Variants in ADAMTS15 observed in about 807,000 individuals in gnomAD.
ADAMTS15 encodes ADAM metallopeptidase with thrombospondin type 1 motif 15, also known as A disintegrin and metalloproteinase with thrombospondin motifs 15.
A neutral mutation model predicts 79.1 loss-of-function variants in ADAMTS15; 35 were observed. The observed-to-expected ratio is 0.44, with a 90% CI of 0.34 to 0.59. The LOEUF (loss-of-function observed/expected upper bound fraction) is 0.59, where lower values mean the gene tolerates loss of function less well. Ranked by LOEUF, ADAMTS15 falls within the 20% of genes least tolerant of loss-of-function variation. The pLI, the probability that ADAMTS15 is intolerant of heterozygous loss-of-function variation, is 0.02. For missense variants in ADAMTS15, 1,324 were observed against 1,318.7 expected (o/e 1.00, Z -0.06); for synonymous variants, 616 against 567.3 (o/e 1.09, Z -1.22).
chr11:130,470,186 GTA>G (rs1421284406), intron 5 of ADAMTS15, among the ~76,000 whole-genome samples: 8 of 67,146 alleles, frequency 1.2e-4, no homozygotes, highest in East Asian at 3.3e-4. Context: ...ATATATGTGT[GTA>G]TATATATATA....
chr11:130,475,966 A>G lies in ADAMTS15; in HGVS notation c.*2145A>G, dbSNP rs1165736026. 6.6e-6 allele frequency: 1 copy of G among 152,210 alleles called. No individual in the cohort carries two copies. The highest frequency in any genetic ancestry group is 1.5e-5 in the Non-Finnish European group (1 of 68,066). The allele number at this position is 152,210 out of a possible 1,614,324, so 9.4% of individuals were successfully genotyped here. A position where few individuals can be genotyped will look rare whatever the true frequency, so the allele number is the denominator to read the frequency against. On this transcript the variant is annotated 3_prime_UTR_variant, in exon 8 of 8. Coordinates refer to ENST00000299164, the MANE Select transcript of ADAMTS15 (RefSeq NM_139055.4). ...AGGAGAGCAGCTTTTGCCATCAGTC[A>G]CTTTACAAACCATTTCAAGGAAGGA...
rs773348657 is a variant in ADAMTS15 at position 130,449,047 on chromosome 11, T to G, written c.74T>G (p.Val25Gly). The G allele has an allele frequency of 6.5e-7, 1 of 1,542,466 alleles. No individual in the cohort carries two copies. Among genetic ancestry groups the G allele is most frequent in the Admixed American group, 2.0e-5 (1 of 51,166 alleles). The change falls in exon 1 of 8, where the codon GTA (valine) becomes GGA (glycine). Residue 25 changes from valine (V) to glycine (G), a missense_variant. Val to Gly is a moderately radical substitution (Grantham distance 109). Transcript: ENST00000299164. This position sits in a 1 kb window ranked among gnomAD's most constrained non-coding sequence, Gnocchi z 7.8. Reference protein sequence around the residue: ...TAGGSEPEREVVVPIRLDPDI... With the variant: ...TAGGSEPEREGVVPIRLDPDI... ...GGAGGCTCTGAGCCAGAGCGGGAGGTAGTCGTTCCCATCCGACTGGACCCG... is the reference window on the plus strand; with the variant it reads ...GGAGGCTCTGAGCCAGAGCGGGAGGGAGTCGTTCCCATCCGACTGGACCCG...
chr11:130,463,517 G>A (rs139259942), intron 4 of ADAMTS15, among the ~76,000 whole-genome samples: 8 of 152,216 alleles, frequency 5.3e-5, no homozygotes, highest in Non-Finnish European at 8.8e-5. Context: ...TTCTCCTCCC[G>A]GATCCTGGAG....
intron 5 of ADAMTS15, among the ~76,000 whole-genome samples, chr11:130,469,881 T>G (rs958694472): frequency 2.6e-5 from 4 of 151,912 alleles, no homozygotes; most frequent in Non-Finnish European, 5.9e-5. Flanking sequence ...TATCTAACAT[T>G]TAGTATTTCT....
chr11:130,463,527 G>T (rs141722548), intron 4 of ADAMTS15, among the ~76,000 whole-genome samples: 1 of 152,156 alleles, frequency 6.6e-6, no homozygotes, highest in Non-Finnish European at 1.5e-5. Flanking sequence ...GGATCCTGGA[G>T]CTGACTGTCC....
At chr11:130,459,698 G>T (rs545896755) in intron 1 of ADAMTS15, among the ~76,000 whole-genome samples, 6 of 152,332 alleles carry the variant, frequency 3.9e-5, no homozygotes, top group Non-Finnish European at 5.9e-5. Context: ...GTTCAGGCTG[G>T]TCACCCTCGG....
At chr11:130,465,262 G>A (rs1938278146) in intron 4 of ADAMTS15, among the ~76,000 whole-genome samples, 1 of 152,150 alleles carries the variant, frequency 6.6e-6, no homozygotes, top group Non-Finnish European at 1.5e-5. Context: ...TTCCGCACCT[G>A]TTCTCCACTG....
intron 1 of ADAMTS15, 100 bp from the exon 2 acceptor site, chr11:130,461,389 T>C: frequency 6.5e-7 from 1 of 1,528,848 alleles, no homozygotes. Context: ...TGGAATGAGA[T>C]GAGCTGGAAT....
At position 130,473,375 on chromosome 11, in the gene ADAMTS15, G is replaced by A. The variant is rs1938504052; in HGVS notation, c.2407G>A (p.Glu803Lys). 6.2e-7 allele frequency: 1 copy of A among 1,612,816 alleles called. No individual in the cohort carries two copies. The highest frequency in any genetic ancestry group is 8.5e-7 in the Non-Finnish European group (1 of 1,179,998). Residue 803 changes from glutamate (E) to lysine (K), a missense_variant, in exon 8 of 8, where the codon GAG becomes AAG. Glu to Lys is a moderately conservative substitution (Grantham distance 56). Transcript: ENST00000299164. ...CCGCTACTCCTTCTATCTGCCCAAA[G>A]AGCCTCGGGAGGACAAGTCCTCTCA... The part of the protein sequence containing the change: ...RVRYSFYLPK[E>K]PREDKSSHPK...
chr11:130,470,762 C>T (rs1938432539), intron 5 of ADAMTS15, among the ~76,000 whole-genome samples, 158 bp from the exon 6 acceptor site: 1 of 152,118 alleles, frequency 6.6e-6, no homozygotes, highest in East Asian at 1.9e-4. Context: ...CCTTTGGGCC[C>T]AGCCTGCTTT....
intron 1 of ADAMTS15, among the ~76,000 whole-genome samples, chr11:130,451,173 CT>C (rs11308742): frequency 0.4 from 60,290 of 151,678 alleles, 12,795 homozygotes; most frequent in African/African-American, 0.55. Context: ...GTGCCATGCT[CT>C]TTTTTTTGGT....
intron 1 of ADAMTS15, among the ~76,000 whole-genome samples, chr11:130,453,909 A>ATCTCAGTCT (rs1938018818): frequency 6.6e-6 from 1 of 152,076 alleles, no homozygotes; most frequent in Non-Finnish European, 1.5e-5. Context: ...TATCTTTCTC[A>ATCTCAGTCT]CCTCAGTCTC....
Position 130,462,097 on chromosome 11 carries a change from C to T in ADAMTS15, c.1101C>T (p.Phe367=), listed in dbSNP as rs1938211543. 4 of 1,613,182 alleles carry T rather than the reference C, an allele frequency of 2.5e-6. No individual in the cohort carries two copies. The change falls in exon 3 of 8, where the codon TTC becomes TTT. Residue 367 remains phenylalanine (F), a synonymous_variant. Transcript: ENST00000299164. The surrounding 1 kb of genome is among the most constrained non-coding windows in gnomAD (Gnocchi z 4.3). ...FTTAHELGHV[F]NMPHDNVKVC... is the part of the protein sequence containing the mutation. Reference sequence around the variant, plus strand: ...TGCCTTACCCCACAGGCCACGTGTTCAACATGCCCCATGACAATGTGAAAG... The same window carrying T: ...TGCCTTACCCCACAGGCCACGTGTTTAACATGCCCCATGACAATGTGAAAG...
At position 130,449,143 on chromosome 11, in the gene ADAMTS15, T is replaced by C; in HGVS notation, c.170T>C (p.Ile57Thr). 6.2e-7 allele frequency: 1 copy of C among 1,601,394 alleles called. No individual in the cohort carries two copies. Among genetic ancestry groups the C allele is most frequent in the Non-Finnish European group, 8.5e-7 (1 of 1,171,696 alleles). ...GGGGATCAGGGACTCATTTTTCAGA[T>C]CACAGCATTTCAGGAGGACTTTTAC... Reference protein sequence around the residue: ...DSGDQGLIFQITAFQEDFYLH... With the variant: ...DSGDQGLIFQTTAFQEDFYLH... Residue 57 changes from isoleucine (I) to threonine (T), a missense_variant, in exon 1 of 8, where the codon ATC becomes ACC. Physicochemically the swap from Ile to Thr is moderately conservative, Grantham distance 89. Coordinates refer to ENST00000299164, the MANE Select transcript of ADAMTS15 (RefSeq NM_139055.4). The surrounding 1 kb of genome is among the most constrained non-coding windows in gnomAD (Gnocchi z 7.8).
At chr11:130,469,549 C>A in intron 5 of ADAMTS15, 110 bp downstream of exon 5, 1 of 782,382 alleles carries the variant, frequency 1.3e-6, no homozygotes, top group Non-Finnish European at 1.8e-6. Flanking sequence ...ATTGGGTACA[C>A]AGGTAATTCA....
chr11:130,465,937 A>T (rs548533927), intron 4 of ADAMTS15, among the ~76,000 whole-genome samples: 2 of 146,082 alleles, frequency 1.4e-5, no homozygotes, highest in African/African-American at 2.6e-5. Context: ...CGGTGGCATG[A>T]TCTTGGCTTA....
intron 1 of ADAMTS15, among the ~76,000 whole-genome samples, chr11:130,453,146 A>G (rs1490112117): frequency 2.0e-5 from 3 of 152,148 alleles, no homozygotes; most frequent in African/African-American, 7.2e-5. Context: ...AAGTGCTCCA[A>G]GGGACGGGAG....
At position 130,465,371 on chromosome 11, in the gene ADAMTS15, G is replaced by A. The variant is rs763458213; in HGVS notation, c.1542+2591G>A. 2.6e-5 allele frequency among the ~76,000 whole-genome samples: 4 copies of A among 152,272 alleles called. No individual in the cohort carries two copies. The East Asian group carries it at 5.8e-4, about 22-fold the overall frequency. Reference sequence around the variant, plus strand: ...TCCCCTCTCGCTTGTTAGGGACATCGCTGATCAATTCTCTCTCTCCTGCAG... The same window carrying A: ...TCCCCTCTCGCTTGTTAGGGACATCACTGATCAATTCTCTCTCTCCTGCAG... On this transcript the variant is annotated intron_variant, in intron 4 of 7. Coordinates refer to ENST00000299164, the MANE Select transcript of ADAMTS15 (RefSeq NM_139055.4).
rs751447316 is a variant in ADAMTS15 at position 130,462,654 on chromosome 11, G to A, written c.1416G>A (p.Gly472=). 1.4e-5 allele frequency: 23 copies of A among 1,613,742 alleles called. No individual in the cohort carries two copies. The South Asian group carries it at 2.5e-4, about 18-fold the overall frequency. Residue 472 remains glycine, a synonymous_variant, in exon 4 of 8, where the codon GGG becomes GGA. Transcript: ENST00000299164. This position sits in a 1 kb window ranked among gnomAD's most constrained non-coding sequence, Gnocchi z 4.3. ...MQYCTKLWCT[G]KAKGQMVCQT... ...ACTGCACCAAGCTGTGGTGCACCGG[G>A]AAGGCCAAGGGACAGATGGTGTGCC...
Sources: allele counts gnomAD v4.1 joint callset (sites outside exome capture counted in the v4.1 genomes callset), GRCh38; gene constraint gnomAD v4.1.1; non-coding constraint Gnocchi (gnomAD v3.1); transcripts MANE v1.5; gene names NCBI Gene and HGNC (gene_info 2026-07-23, HGNC 2026-07-21).